The following CDH6 variants were observed in gnomAD, a reference collection of about 807,000 sequenced individuals.
CDH6 encodes the protein cadherin 6.
CDH6 carries 31 observed loss-of-function variants against 78.0 expected under a neutral mutation model. That is an observed-to-expected ratio of 0.40 (90% CI 0.30 to 0.54). The LOEUF is 0.54. Ranked by LOEUF, CDH6 falls within the 20% of genes least tolerant of loss-of-function variation. The probability of loss-of-function intolerance (pLI) is 0.56; values close to 1 mark genes in which losing one functional copy is unlikely to be tolerated. For missense variants in CDH6, 724 were observed against 975.9 expected (o/e 0.74, Z 3.44); for synonymous variants, 376 against 368.8 (o/e 1.02, Z -0.23).
At chr5:31,253,626 C>T (rs1434919762) in intron 1 of CDH6, among the ~76,000 whole-genome samples, 1 of 152,150 alleles carries the variant, frequency 6.6e-6, no homozygotes, top group African/African-American at 2.4e-5. Flanking sequence ...CCAAATAACT[C>T]ACCTCCAAAT....
intron 1 of CDH6, chr5:31,250,663 G>A (rs540847592): frequency 6.6e-6 from 1 of 152,568 alleles, no homozygotes; most frequent in East Asian, 1.9e-4. Flanking sequence ...TGGTCAGCAA[G>A]ACACATCTCA....
rs989464424 is a variant in CDH6 at position 31,294,124 on chromosome 5, A to G, written c.391A>G (p.Ile131Val). 1.4e-5 allele frequency: 22 copies of G among 1,613,898 alleles called. No homozygotes were observed. The highest frequency in any genetic ancestry group is 1.4e-5 in the Non-Finnish European group (16 of 1,179,964). Reference protein sequence around the residue: ...KPVYILRAQAINRRTGRPVEP... With the variant: ...KPVYILRAQAVNRRTGRPVEP... ...CGTTTACATCCTTCGAGCTCAAGCT[A>G]TAAACAGAAGGACAGGGAGACCCGT... is the stretch of plus-strand genomic sequence containing the variant. The change falls in exon 3 of 12, where the codon ATA (isoleucine) becomes GTA (valine). Residue 131 changes from isoleucine to valine, a missense_variant. This residue lies in a region of CDH6 where 446 missense variants were observed against 684.5 expected (regional missense o/e 0.65). Coordinates refer to ENST00000265071, the MANE Select transcript of CDH6 (RefSeq NM_004932.4). The surrounding 1 kb of genome is among the most constrained non-coding windows in gnomAD (Gnocchi z 4.1).
intron 1 of CDH6, among the ~76,000 whole-genome samples, chr5:31,214,140 T>TAAAAAA: frequency 7.7e-6 from 1 of 129,988 alleles, no homozygotes; most frequent in Admixed American, 7.9e-5. Context: ...ATCTGTGCCT[T>TAAAAAA]AAAAAAAAAA....
chr5:31,281,347 T>TG (rs1219843287), intron 2 of CDH6, among the ~76,000 whole-genome samples: 2 of 133,140 alleles, frequency 1.5e-5, no homozygotes, highest in African/African-American at 5.6e-5. Flanking sequence ...GGAGTGTGTG[T>TG]GGGGGGTGTG....
intron 3 of CDH6, among the ~76,000 whole-genome samples, 169 bp from the exon 4 acceptor site, chr5:31,297,120 T>G (rs1438727633): frequency 6.6e-6 from 1 of 152,198 alleles, no homozygotes; most frequent in Non-Finnish European, 1.5e-5. Context: ...AAATGTTGAT[T>G]GTATTTCTTT....
At chr5:31,274,302 C>T (rs780787217) in intron 2 of CDH6, among the ~76,000 whole-genome samples, 1 of 152,176 alleles carries the variant, frequency 6.6e-6, no homozygotes, top group Non-Finnish European at 1.5e-5. Flanking sequence ...CAGCAATTTT[C>T]TGGCTCTTAA....
rs1738591649 is a variant in CDH6 at position 31,324,997 on chromosome 5, T to C, written c.*1689T>C. 4.8e-6 allele frequency: 1 copy of C among 206,940 alleles called. No individual in the cohort carries two copies. The allele number at this position is 206,940 out of a possible 1,614,324, so 12.8% of individuals were successfully genotyped here. A position where few individuals can be genotyped will look rare whatever the true frequency, so the allele number is the denominator to read the frequency against. Reference sequence around the variant, plus strand: ...ATTTATTTTCAATTAATATTAATTTTCTACAAATAATTTTAGTGTCATTTC... The same window carrying C: ...ATTTATTTTCAATTAATATTAATTTCCTACAAATAATTTTAGTGTCATTTC... On this transcript the variant is annotated 3_prime_UTR_variant, in exon 12 of 12. Transcript: ENST00000265071.
chr5:31,271,319 C>T (rs553416600), intron 2 of CDH6, among the ~76,000 whole-genome samples: 3 of 152,020 alleles, frequency 2.0e-5, no homozygotes, highest in East Asian at 3.9e-4. Context: ...TCGTGGGTGG[C>T]GGTGGGGTTC....
chr5:31,276,273 T>G (rs1279891167), intron 2 of CDH6, among the ~76,000 whole-genome samples: 1 of 152,162 alleles, frequency 6.6e-6, no homozygotes, highest in Non-Finnish European at 1.5e-5. Context: ...TAATGGGTAT[T>G]CTCAAAGGCC....
At chr5:31,261,982 G>A (rs1199386915) in intron 1 of CDH6, among the ~76,000 whole-genome samples, 1 of 152,090 alleles carries the variant, frequency 6.6e-6, no homozygotes, top group African/African-American at 2.4e-5. Flanking sequence ...AGTACACTAG[G>A]GAACTTGAGG....
At chr5:31,320,148 C>A (rs1165645819) in intron 11 of CDH6, among the ~76,000 whole-genome samples, 1 of 152,220 alleles carries the variant, frequency 6.6e-6, no homozygotes, top group East Asian at 1.9e-4. Context: ...ATGTGTTTGC[C>A]CCATGTGCTT....
intron 7 of CDH6, 109 bp downstream of exon 7, chr5:31,305,536 C>G: frequency 8.8e-7 from 1 of 1,135,806 alleles, no homozygotes; most frequent in Non-Finnish European, 1.2e-6. Context: ...AATTAGACAA[C>G]TGTGTTTTCC....
At position 31,267,353 on chromosome 5, in the gene CDH6, C is replaced by A; in HGVS notation, c.-121C>A. 1 of 705,246 alleles carries A rather than the reference C, an allele frequency of 1.4e-6. No individual in the cohort carries two copies. The highest frequency in any genetic ancestry group is 1.8e-5 in the South Asian group (1 of 55,172). The allele number at this position is 705,246 out of a possible 1,614,324, so 43.7% of individuals were successfully genotyped here. A position where few individuals can be genotyped will look rare whatever the true frequency, so the allele number is the denominator to read the frequency against. ...TGTTATTATTCTTTCCAGATATCCT[C>A]TGAGAGCCAAGCAAAGAACATTAAG... On this transcript the variant is annotated 5_prime_UTR_variant, in exon 2 of 12. The change creates a new upstream start codon in the 5' untranslated region. Transcript: ENST00000265071.
chr5:31,206,047 C>G (rs1191723457), intron 1 of CDH6, among the ~76,000 whole-genome samples: 1 of 152,094 alleles, frequency 6.6e-6, no homozygotes, highest in African/African-American at 2.4e-5. Flanking sequence ...AATCGTGGCA[C>G]CCTTGAGAAC....
At chr5:31,268,254 T>G (rs1742416343) in intron 2 of CDH6, among the ~76,000 whole-genome samples, 1 of 152,216 alleles carries the variant, frequency 6.6e-6, no homozygotes, top group African/African-American at 2.4e-5. Context: ...TAGTCTTATC[T>G]CAAATAGTTG....
rs953542283 is a variant in CDH6, at chr5:31,210,434, G to A, written c.-129+16548G>A. 4.6e-5 allele frequency among the ~76,000 whole-genome samples: 7 copies of A among 152,090 alleles called. No individual in the cohort carries two copies. The East Asian group carries it at 5.8e-4, about 13-fold the overall frequency. On this transcript the variant is annotated intron_variant, in intron 1 of 11. Transcript: ENST00000265071. Reference sequence around the variant, plus strand: ...CAGGAGAATCCCTTGAACCTGGAAGGCGGAGGTTGCAGTGAGCCGAGATCA... The same window carrying A: ...CAGGAGAATCCCTTGAACCTGGAAGACGGAGGTTGCAGTGAGCCGAGATCA...
chr5:31,292,836 T>TATATGTGTGC (rs1737430905), intron 2 of CDH6, among the ~76,000 whole-genome samples: 2 of 14,482 alleles, frequency 1.4e-4, no homozygotes, highest in African/African-American at 6.2e-4. Context: ...TATATATATA[T>TATATGTGTGC]ATATATATAT....
chr5:31,194,271 A>G (rs1331982780), intron 1 of CDH6, among the ~76,000 whole-genome samples: 1 of 152,194 alleles, frequency 6.6e-6, no homozygotes, highest in Non-Finnish European at 1.5e-5. Flanking sequence ...TTGGCTGGTC[A>G]ATTACCAAAG....
At chr5:31,252,328 GGTGT>G (rs5867065) in intron 1 of CDH6, among the ~76,000 whole-genome samples, 9 of 149,030 alleles carry the variant, frequency 6.0e-5, no homozygotes, top group East Asian at 5.9e-4. Flanking sequence ...ATGTGTGTGT[GGTGT>G]GTGTGTGTGT....
Sources: gnomAD v4.1 joint callset for allele counts (sites outside exome capture counted in the v4.1 genomes callset) on GRCh38, gnomAD v4.1.1 for gene constraint, gnomAD v4.1.1 regional missense constraint, Gnocchi (gnomAD v3.1) non-coding constraint, MANE v1.5 for transcripts, NCBI Gene and HGNC (gene_info 2026-07-23, HGNC 2026-07-21) for gene names.